Variants in TCAF1 observed in about 807,000 individuals in gnomAD.
TCAF1 encodes the protein TRPM8 channel associated factor 1.
In TCAF1, 4 loss-of-function variants were observed where a neutral mutation model predicts 27.3. That is an observed-to-expected ratio of 0.15 (90% CI 0.07 to 0.34). TCAF1 has a LOEUF of 0.34. TCAF1 is among the 10% of genes least tolerant of loss of function. The pLI is 1.00. For missense variants in TCAF1, 257 were observed against 425.8 expected (o/e 0.60, Z 3.49); for synonymous variants, 105 against 167.1 (o/e 0.63, Z 2.87).
At chr7:143,884,683 T>C (rs190563116) in intron 1 of TCAF1, among the ~76,000 whole-genome samples, 7 of 143,882 alleles carry the variant, frequency 4.9e-5, no homozygotes, top group Non-Finnish European at 1.1e-4. Flanking sequence ...AACTTACCTC[T>C]CAGGATGGGG....
rs1491374393 is a variant in TCAF1, at chr7:143,859,945, A to AT, written c.2167+262_2167+263insA. On this transcript the variant is annotated intron_variant, in intron 6 of 8. Transcript: ENST00000479870. Reference sequence around the variant, plus strand: ...ATATATTATATAATATATATTATATAATATATATTACGGAATATATATTAT... The same window carrying AT: ...ATATATTATATAATATATATTATATATATATATATTACGGAATATATATTAT... Among the ~76,000 whole-genome samples, 32 of 65,496 alleles carry AT rather than the reference A, an allele frequency of 4.9e-4. 2 individuals carry two copies. The highest frequency in any genetic ancestry group is 1.7e-3 in the African/African-American group (32 of 19,142). 43.0% of individuals were successfully genotyped at this position (65,496 alleles called of 152,430 possible). A position where few individuals can be genotyped will look rare whatever the true frequency, so the allele number is the denominator to read the frequency against.
rs140911454 is a variant in TCAF1, at chr7:143,876,286, G to T, written c.323C>A (p.Ser108Tyr). 2.0e-5 allele frequency: 33 copies of T among 1,614,172 alleles called. No individual in the cohort carries two copies. The African/African-American group carries it at 4.4e-4, about 22-fold the overall frequency. ...TGGCTCAACCTTTGCATCCACTCCA[G>T]AGCCCTCGAGGATTTTGGCCAAAGG... is the stretch of plus-strand genomic sequence containing the variant. ...LAPLAKILEG[S>Y]GVDAKVEPEV... Residue 108 changes from serine to tyrosine, a missense_variant, in exon 2 of 9, where the codon TCT becomes TAT. Physicochemically the swap from Ser to Tyr is moderately radical, Grantham distance 144. Coordinates refer to ENST00000479870, the MANE Select transcript of TCAF1 (RefSeq NM_014719.3).
intron 1 of TCAF1, chr7:143,882,771 A>G: frequency 3.0e-6 from 3 of 985,614 alleles, no homozygotes; most frequent in Non-Finnish European, 2.4e-6. Context: ...GGCAGGTGGG[A>G]GCGGGCAGAG....
chr7:143,867,921 G>C (rs1812255516), intron 2 of TCAF1, among the ~76,000 whole-genome samples: 1 of 81,368 alleles, frequency 1.2e-5, no homozygotes, highest in Admixed American at 1.4e-4. Context: ...GAGCAACTCT[G>C]TCAAAAAACA....
At chr7:143,860,789 CT>C (rs1281607570) in intron 5 of TCAF1, among the ~76,000 whole-genome samples, 2 of 143,916 alleles carry the variant, frequency 1.4e-5, no homozygotes, top group Admixed American at 7.1e-5. Context: ...TCCATGTGTT[CT>C]TATTGTTCAG....
chr7:143,879,291 A>G (rs551169556), intron 1 of TCAF1, among the ~76,000 whole-genome samples: 2 of 152,200 alleles, frequency 1.3e-5, no homozygotes, highest in Non-Finnish European at 2.9e-5. Context: ...AATGGAAAAT[A>G]TATCATGTGT....
At chr7:143,895,322 A>G (rs1813821512) in intron 1 of TCAF1, among the ~76,000 whole-genome samples, 2 of 152,008 alleles carry the variant, frequency 1.3e-5, no homozygotes, top group Non-Finnish European at 3.0e-5. Context: ...TACTTATACA[A>G]TACTATAGAA....
At chr7:143,885,064 C>G (rs1813321988) in intron 1 of TCAF1, 4 of 985,302 alleles carry the variant, frequency 4.1e-6, no homozygotes, top group African/African-American at 3.5e-5. Flanking sequence ...GCGTGCGCCC[C>G]CCTCGGCCGC....
chr7:143,880,239 C>A (rs1229023360), intron 1 of TCAF1, among the ~76,000 whole-genome samples: 2 of 152,064 alleles, frequency 1.3e-5, no homozygotes, highest in Non-Finnish European at 2.9e-5. Flanking sequence ...TATCACTATC[C>A]CCATTTTATG....
chr7:143,885,523 A>G (rs1427367132), intron 1 of TCAF1: 1 of 985,312 alleles, frequency 1.0e-6, no homozygotes, highest in African/African-American at 1.7e-5. Context: ...GCCCGCCCTC[A>G]GAGTGCAGCA....
chr7:143,901,826 A>G (rs1308112640), intron 1 of TCAF1, 135 bp downstream of exon 1: 1 of 152,254 alleles, frequency 6.6e-6, no homozygotes, highest in African/African-American at 2.4e-5. Flanking sequence ...TCAACGGGGT[A>G]GAGACGAAGG....
intron 1 of TCAF1, among the ~76,000 whole-genome samples, chr7:143,897,197 C>T (rs1813923299): frequency 7.9e-6 from 1 of 126,356 alleles, no homozygotes; most frequent in South Asian, 2.6e-4. Flanking sequence ...AACACTTCAT[C>T]CTTGAATAAT....
rs1188814627 is a variant in TCAF1 at position 143,897,132 on chromosome 7, AT to A, written c.-15+4828del. On this transcript the variant is annotated intron_variant, in intron 1 of 8. Coordinates refer to ENST00000479870, the MANE Select transcript of TCAF1 (RefSeq NM_014719.3). ...AACAGTTTTATTTTGTTAATCTTGAATATATATATATATATATATATATATA... is the reference window on the plus strand; with the variant it reads ...AACAGTTTTATTTTGTTAATCTTGAAATATATATATATATATATATATATA... Among the ~76,000 whole-genome samples, 23 of 1,906 alleles carry A rather than the reference AT, an allele frequency of 0.012. No individual in the cohort carries two copies. In the South Asian group the frequency reaches 0.12, roughly 10 times the overall value. 1.3% of individuals were successfully genotyped at this position (1,906 alleles called of 152,430 possible).
intron 2 of TCAF1, among the ~76,000 whole-genome samples, 179 bp downstream of exon 2, chr7:143,875,810 C>T (rs755775741): frequency 1.3e-5 from 2 of 152,150 alleles, no homozygotes; most frequent in Non-Finnish European, 1.5e-5. Context: ...AAGACAGGGG[C>T]AGTGAGGACC....
intron 1 of TCAF1, among the ~76,000 whole-genome samples, chr7:143,879,872 C>T (rs1812922866): frequency 6.6e-6 from 1 of 152,088 alleles, no homozygotes; most frequent in African/African-American, 2.4e-5. Context: ...CATCAGAACC[C>T]TTCTCCCTCA....
rs1399666223 is a variant in TCAF1, at chr7:143,851,866, T to C, written c.*2267A>G. On this transcript the variant is annotated 3_prime_UTR_variant, in exon 9 of 9. Transcript: ENST00000479870. Reference sequence around the variant, plus strand: ...CCACTTCTCTTCCTCTAATTCTCAATCTCTTTCTGCTTTCTTTCCCTTTGT... The same window carrying C: ...CCACTTCTCTTCCTCTAATTCTCAACCTCTTTCTGCTTTCTTTCCCTTTGT... 5.3e-5 allele frequency: 8 copies of C among 152,230 alleles called. No individual in the cohort carries two copies. In the East Asian group the frequency reaches 1.5e-3, roughly 29 times the overall value. 9.4% of individuals were successfully genotyped at this position (152,230 alleles called of 1,614,324 possible).
intron 1 of TCAF1, chr7:143,882,848 G>A (rs1586782094): frequency 1.0e-6 from 1 of 985,716 alleles, no homozygotes; most frequent in East Asian, 1.1e-4. Context: ...ACCGAGCCGG[G>A]ATTTGGGAGC....
chr7:143,895,188 T>C (rs905694618), intron 1 of TCAF1, among the ~76,000 whole-genome samples: 2 of 151,856 alleles, frequency 1.3e-5, no homozygotes, highest in Admixed American at 6.6e-5. Flanking sequence ...TGACCAGATG[T>C]ATGTTCATGA....
intron 1 of TCAF1, among the ~76,000 whole-genome samples, chr7:143,889,319 C>G (rs1463924620): frequency 6.6e-6 from 1 of 152,114 alleles, no homozygotes; most frequent in Non-Finnish European, 1.5e-5. Context: ...GGGAGTCTAA[C>G]AAATCCTAAA....
Sources: gnomAD v4.1 joint callset for allele counts (sites outside exome capture counted in the v4.1 genomes callset) on GRCh38, gnomAD v4.1.1 for gene constraint, MANE v1.5 for transcripts, NCBI Gene and HGNC (gene_info 2026-07-23, HGNC 2026-07-21) for gene names.